Variants in SBF2 observed in about 807,000 individuals in gnomAD.
SBF2 encodes the protein SET binding factor 2, also known as myotubularin-related protein 13.
SBF2 carries 112 observed loss-of-function variants against 225.2 expected under a neutral mutation model. The ratio of observed to expected loss-of-function variants is 0.50; its 90% CI spans 0.43 to 0.58. The LOEUF (loss-of-function observed/expected upper bound fraction) is 0.58, where lower values mean the gene tolerates loss of function less well. Ranked by LOEUF, SBF2 falls within the 20% of genes least tolerant of loss-of-function variation. The pLI is 0.00. For missense variants in SBF2, 1,996 were observed against 2,206.2 expected (o/e 0.90, Z 1.91); for synonymous variants, 763 against 773.3 (o/e 0.99, Z 0.22).
At chr11:9,914,069 T>A (rs1040017644) in intron 16 of SBF2, among the ~76,000 whole-genome samples, 5 of 152,132 alleles carry the variant, frequency 3.3e-5, no homozygotes, top group African/African-American at 1.2e-4. Context: ...TGAGGCATAC[T>A]AAAAGGCCAA....
At chr11:10,262,293 G>T (rs1464177144) in intron 1 of SBF2, among the ~76,000 whole-genome samples, 1 of 152,178 alleles carries the variant, frequency 6.6e-6, no homozygotes, top group East Asian at 1.9e-4. Flanking sequence ...TGTACAAAGT[G>T]TAGGTAGTAC....
chr11:10,173,342 A>G (rs1369217467), intron 2 of SBF2, among the ~76,000 whole-genome samples: 1 of 152,190 alleles, frequency 6.6e-6, no homozygotes, highest in East Asian at 1.9e-4. Context: ...GCATTGCCTC[A>G]CTCGGGAAGC....
At chr11:10,123,551 T>C (rs1591008641) in intron 2 of SBF2, among the ~76,000 whole-genome samples, 1 of 152,096 alleles carries the variant, frequency 6.6e-6, no homozygotes, top group South Asian at 2.1e-4. Flanking sequence ...AAATCACTTA[T>C]CCCTACTTGA....
chr11:10,157,518 A>G (rs898730946), intron 2 of SBF2, among the ~76,000 whole-genome samples: 3 of 152,222 alleles, frequency 2.0e-5, no homozygotes, highest in Non-Finnish European at 4.4e-5. Flanking sequence ...CAAACTATGC[A>G]TCCAACAAGG....
At chr11:10,047,947 C>T (rs903806412) in intron 2 of SBF2, among the ~76,000 whole-genome samples, 2 of 152,128 alleles carry the variant, frequency 1.3e-5, no homozygotes, top group Non-Finnish European at 2.9e-5. Flanking sequence ...CACGCTGTTC[C>T]TCTACTATAC....
At chr11:9,938,655 A>G (rs1865055102) in intron 16 of SBF2, among the ~76,000 whole-genome samples, 1 of 152,206 alleles carries the variant, frequency 6.6e-6, no homozygotes, top group African/African-American at 2.4e-5. Flanking sequence ...GAAAATGACA[A>G]ATTATTTAAT....
At chr11:10,125,100 C>A (rs1156330564) in intron 2 of SBF2, among the ~76,000 whole-genome samples, 2 of 115,612 alleles carry the variant, frequency 1.7e-5, no homozygotes, top group East Asian at 2.4e-4. Context: ...AAGAGAGAGA[C>A]TGTGTCTCAA....
At chr11:9,951,520 C>CT (rs367601693) in intron 16 of SBF2, among the ~76,000 whole-genome samples, 3 of 152,196 alleles carry the variant, frequency 2.0e-5, no homozygotes, top group African/African-American at 7.2e-5. Flanking sequence ...GAATTTTAGA[C>CT]TGAGAGAAGA....
chr11:10,151,380 T>C lies in SBF2; in HGVS notation c.141+42522A>G, dbSNP rs542759511. 3.2e-4 allele frequency among the ~76,000 whole-genome samples: 49 copies of C among 152,326 alleles called. 1 individual carries two copies. In the South Asian group the frequency reaches 9.9e-3, roughly 31 times the overall value. ...AGGATTCCTTTCCTCCCCATGTTGT[T>C]GAAAGTCAAAGAAACAGCACACCCA... On this transcript the variant is annotated intron_variant, in intron 2 of 39. Transcript: ENST00000256190.
intron 1 of SBF2, among the ~76,000 whole-genome samples, chr11:10,302,030 G>C (rs1964603843): frequency 6.6e-6 from 1 of 151,948 alleles, no homozygotes; most frequent in Non-Finnish European, 1.5e-5. Flanking sequence ...ATTTAAAGAT[G>C]TTTCTTCCTT....
chr11:9,864,449 C>A lies in SBF2; in HGVS notation c.1930-6053G>T, dbSNP rs899742016. Among the ~76,000 whole-genome samples, 4 of 152,222 alleles carry A rather than the reference C, an allele frequency of 2.6e-5. No homozygotes were observed. In the East Asian group the frequency reaches 7.7e-4, roughly 29 times the overall value. On this transcript the variant is annotated intron_variant, in intron 17 of 39. Coordinates refer to ENST00000256190, the MANE Select transcript of SBF2 (RefSeq NM_030962.4). ...TGACCCAGGCTGGAGTGTAGTGGCACAAACAAGGCTCACTGCAGTCTTGAC... is the reference window on the plus strand; with the variant it reads ...TGACCCAGGCTGGAGTGTAGTGGCAAAAACAAGGCTCACTGCAGTCTTGAC...
chr11:10,069,683 G>C (rs1442819338), intron 2 of SBF2, among the ~76,000 whole-genome samples: 1 of 152,162 alleles, frequency 6.6e-6, no homozygotes, highest in Admixed American at 6.5e-5. Flanking sequence ...CCAGTAATGG[G>C]ATTGCTGGGT....
intron 17 of SBF2, among the ~76,000 whole-genome samples, chr11:9,872,867 T>C (rs749127829): frequency 5.3e-5 from 8 of 152,130 alleles, no homozygotes; most frequent in Non-Finnish European, 1.0e-4. Context: ...AACCTCTGAA[T>C]TCAGAGTTCA....
intron 2 of SBF2, among the ~76,000 whole-genome samples, chr11:10,151,269 G>A (rs1955173839): frequency 6.6e-6 from 1 of 152,142 alleles, no homozygotes; most frequent in Non-Finnish European, 1.5e-5. Flanking sequence ...GCATCTCTTT[G>A]CTCGCTCAGC....
At chr11:9,943,358 C>G (rs1300191546) in intron 16 of SBF2, among the ~76,000 whole-genome samples, 1 of 152,026 alleles carries the variant, frequency 6.6e-6, no homozygotes, top group African/African-American at 2.4e-5. Context: ...AGTGTCAAAA[C>G]ATCAAGGAAA....
At chr11:10,121,057 C>T (rs775395135) in intron 2 of SBF2, among the ~76,000 whole-genome samples, 9 of 152,206 alleles carry the variant, frequency 5.9e-5, no homozygotes, top group Non-Finnish European at 2.9e-5. Context: ...TGAGCCATCA[C>T]GCCCCGCCTG....
intron 1 of SBF2, among the ~76,000 whole-genome samples, chr11:10,228,148 T>C (rs1468657466): frequency 2.0e-5 from 3 of 152,164 alleles, no homozygotes; most frequent in African/African-American, 7.2e-5. Context: ...ATAAGAATGT[T>C]TGTGATTTTT....
intron 2 of SBF2, among the ~76,000 whole-genome samples, chr11:10,138,756 T>C (rs1312139331): frequency 1.3e-5 from 2 of 152,186 alleles, no homozygotes; most frequent in Non-Finnish European, 2.9e-5. Flanking sequence ...CTTTCCATTA[T>C]GGATATCTAG....
chr11:10,029,911 A>G (rs1387246545), intron 4 of SBF2, 36 bp from the exon 5 acceptor site: 1 of 1,348,966 alleles, frequency 7.4e-7, no homozygotes, highest in East Asian at 2.3e-5. Context: ...TATTTCATGG[A>G]AAAAGCATTA....
Sources: gnomAD v4.1 joint callset for allele counts (sites outside exome capture counted in the v4.1 genomes callset) on GRCh38, gnomAD v4.1.1 for gene constraint, MANE v1.5 for transcripts, NCBI Gene and HGNC (gene_info 2026-07-23, HGNC 2026-07-21) for gene names.